The following ATP8B4 variants were observed in gnomAD, a reference collection of about 807,000 sequenced individuals.
The protein encoded by ATP8B4 is probable phospholipid-transporting ATPase IM.
A neutral mutation model predicts 145.6 loss-of-function variants in ATP8B4; 133 were observed. The observed-to-expected ratio is 0.91, with a 90% CI of 0.79 to 1.05. The LOEUF (loss-of-function observed/expected upper bound fraction) is 1.05. Among genes scored for constraint, ATP8B4 ranks in the 50% least tolerant of loss-of-function variants. The probability of loss-of-function intolerance (pLI) is 0.00; values close to 1 mark genes in which losing one functional copy is unlikely to be tolerated. For synonymous variants in ATP8B4, 507 were observed against 492.9 expected, an observed-to-expected ratio of 1.03 and a Z score of -0.38; for missense variants, 1,458 against 1,425.2, an observed-to-expected ratio of 1.02 and a Z score of -0.37.
In ATP8B4 at chr15:49,927,795, C is replaced by T. The variant is rs1177463616; in HGVS notation, c.1642+3324G>A. On this transcript the variant is annotated intron_variant, in intron 16 of 27. Coordinates refer to ENST00000284509, the MANE Select transcript of ATP8B4 (RefSeq NM_024837.4). The stretch of plus-strand genomic sequence containing the variant: ...AAATAGAAGATAGCTCCTGCTGATA[C>T]AACATTAAGCCAACACCTAGAACGG... Among the ~76,000 whole-genome samples, 3 of 152,212 alleles carry T rather than the reference C, an allele frequency of 2.0e-5. 1 individual carries two copies. Among genetic ancestry groups the T allele is most frequent in the South Asian group, 4.1e-4 (2 of 4,826 alleles).
chr15:50,033,660 C>G (rs574060157), intron 6 of ATP8B4, among the ~76,000 whole-genome samples: 2 of 152,304 alleles, frequency 1.3e-5, no homozygotes, highest in South Asian at 4.1e-4. Context: ...TCCTACCACT[C>G]AGGTAGTGGG....
At chr15:49,874,599 G>A (rs939910682) in intron 25 of ATP8B4, among the ~76,000 whole-genome samples, 10 of 152,080 alleles carry the variant, frequency 6.6e-5, no homozygotes, top group Admixed American at 5.9e-4. Flanking sequence ...AGGGGCTAAT[G>A]GTTACTTTGA....
chr15:50,020,400 G>C (rs1200729882), intron 6 of ATP8B4, among the ~76,000 whole-genome samples: 1 of 151,466 alleles, frequency 6.6e-6, no homozygotes, highest in Non-Finnish European at 1.5e-5. Flanking sequence ...CTCCCAAGCA[G>C]CTGGGATTAC....
rs1002005052 is a variant in ATP8B4 at position 49,990,781 on chromosome 15, T to C, written c.590-3232A>G. ...TATACATTATTAATAGAAATAGTTCTTGATTATCTGTACTGCAACTCTTCC... is the reference window on the plus strand; with the variant it reads ...TATACATTATTAATAGAAATAGTTCCTGATTATCTGTACTGCAACTCTTCC... On this transcript the variant is annotated intron_variant, in intron 9 of 27. Coordinates refer to ENST00000284509, the MANE Select transcript of ATP8B4 (RefSeq NM_024837.4). 4.6e-5 allele frequency among the ~76,000 whole-genome samples: 7 copies of C among 152,190 alleles called. No homozygotes were observed. The South Asian group carries it at 6.2e-4, about 14-fold the overall frequency.
intron 1 of ATP8B4, among the ~76,000 whole-genome samples, chr15:50,162,348 C>G (rs181057028): frequency 6.6e-6 from 1 of 151,014 alleles, no homozygotes; most frequent in African/African-American, 2.4e-5. Flanking sequence ...TCTACTTATA[C>G]TTTATTAATA....
At chr15:49,899,261 T>G (rs940131437) in intron 21 of ATP8B4, among the ~76,000 whole-genome samples, 1 of 152,158 alleles carries the variant, frequency 6.6e-6, no homozygotes, top group Non-Finnish European at 1.5e-5. Flanking sequence ...TCTTCCCTGA[T>G]TCTCCCACAA....
intron 1 of ATP8B4, among the ~76,000 whole-genome samples, chr15:50,138,409 T>TGATA (rs56946522): frequency 5.6e-5 from 8 of 142,694 alleles, no homozygotes; most frequent in Non-Finnish European, 1.2e-4. Context: ...GACAGAGAGA[T>TGATA]GATAGATAGA....
At chr15:50,011,034 T>A in intron 6 of ATP8B4, 117 bp from the exon 7 acceptor site, 1 of 629,842 alleles carries the variant, frequency 1.6e-6, no homozygotes, top group South Asian at 2.7e-5. Flanking sequence ...ACTTTCCTAG[T>A]ATGTTAATTC....
upstream of ATP8B4, among the ~76,000 whole-genome samples, chr15:50,121,820 A>C (rs926114542): frequency 6.6e-6 from 1 of 152,114 alleles, no homozygotes; most frequent in Non-Finnish European, 1.5e-5. Context: ...AACGTCCTTT[A>C]TGTCTGTAGT....
chr15:50,094,769 C>G (rs1310457614), intron 2 of ATP8B4, among the ~76,000 whole-genome samples: 1 of 149,212 alleles, frequency 6.7e-6, no homozygotes, highest in East Asian at 1.9e-4. Context: ...AGAATCCTGA[C>G]TAATTCAATG....
At position 50,052,214 on chromosome 15, in the gene ATP8B4, T is replaced by A. The variant is rs575777414; in HGVS notation, c.88-4750A>T. Among the ~76,000 whole-genome samples, 3 of 152,204 alleles carry A rather than the reference T, an allele frequency of 2.0e-5. No homozygotes were observed. In the South Asian group the frequency reaches 6.2e-4, roughly 31 times the overall value. On this transcript the variant is annotated intron_variant, in intron 3 of 27. Transcript: ENST00000284509. ...TCCAATCTGAGTACAGTTCATTCCA[T>A]AATAAGGCACAGAAAGATCTTCACC...
intron 11 of ATP8B4, among the ~76,000 whole-genome samples, chr15:49,980,681 C>T (rs1186848316): frequency 6.6e-6 from 1 of 152,156 alleles, no homozygotes; most frequent in Non-Finnish European, 1.5e-5. Flanking sequence ...ATAACCAGAA[C>T]CACCTACATA....
At chr15:50,029,939 T>C (rs1188996272) in intron 6 of ATP8B4, among the ~76,000 whole-genome samples, 1 of 152,184 alleles carries the variant, frequency 6.6e-6, no homozygotes, top group Admixed American at 6.5e-5. Context: ...TCAGGAAGTG[T>C]AAAGCAAAAT....
chr15:49,923,029 A>G (rs2040393977), intron 17 of ATP8B4, among the ~76,000 whole-genome samples: 1 of 152,242 alleles, frequency 6.6e-6, no homozygotes, highest in Admixed American at 6.5e-5. Flanking sequence ...AAGGAAAAGG[A>G]GCTCTCTGTC....
At position 49,876,293 on chromosome 15, in the gene ATP8B4, A is replaced by G; in HGVS notation, c.3012T>C (p.Ile1004=). The G allele has an allele frequency of 6.2e-7, 1 of 1,614,090 alleles. No individual in the cohort carries two copies. Among genetic ancestry groups the G allele is most frequent in the East Asian group, 2.2e-5 (1 of 44,868 alleles). The part of the protein sequence containing the change: ...FAVTMATSLV[I]VVSVQIALDT... ...ACAGCGTTACCTGCACACTGACCAC[A>G]ATGACCAAAGATGTGGCCATGGTAA... Residue 1004 remains isoleucine, a synonymous_variant, in exon 25 of 28, where the codon ATT becomes ATC. Transcript: ENST00000284509.
At chr15:50,067,095 C>CAAAT (rs1449824925) in intron 3 of ATP8B4, among the ~76,000 whole-genome samples, 46 of 152,184 alleles carry the variant, frequency 3.0e-4, no homozygotes, top group Non-Finnish European at 4.0e-4. Flanking sequence ...CCATACCTCA[C>CAAAT]ATTTAGCAAG....
chr15:50,138,325 G>GATA (rs1567402925), intron 1 of ATP8B4, among the ~76,000 whole-genome samples: 48 of 113,370 alleles, frequency 4.2e-4, no homozygotes, highest in African/African-American at 1.3e-3. Context: ...TAGATAGATA[G>GATA]GTAGATAGAT....
intron 1 of ATP8B4, among the ~76,000 whole-genome samples, chr15:50,135,528 C>T (rs915091983): frequency 2.6e-5 from 4 of 152,184 alleles, no homozygotes; most frequent in Non-Finnish European, 4.4e-5. Flanking sequence ...TTTATGTGCA[C>T]ATATGGCCAC....
intron 1 of ATP8B4, among the ~76,000 whole-genome samples, chr15:50,172,432 G>A (rs560557919): frequency 9.2e-5 from 14 of 152,344 alleles, no homozygotes; most frequent in East Asian, 5.8e-4. Flanking sequence ...ACGGAGTCTC[G>A]CTCACACAGT....
Sources: gnomAD v4.1 joint callset for allele counts (sites outside exome capture counted in the v4.1 genomes callset) on GRCh38, gnomAD v4.1.1 for gene constraint, MANE v1.5 for transcripts, NCBI Gene and HGNC (gene_info 2026-07-23, HGNC 2026-07-21) for gene names.